The following SNTG1 variants were observed in gnomAD, a reference collection of about 807,000 sequenced individuals.
SNTG1 encodes the protein gamma-1-syntrophin.
Under a neutral mutation model 74.7 loss-of-function variants are expected in SNTG1, and 39 were observed. That is an observed-to-expected ratio of 0.52 (90% CI 0.40 to 0.68). SNTG1 has a LOEUF of 0.68. Ranked by LOEUF, SNTG1 falls within the 30% of genes least tolerant of loss-of-function variation. SNTG1 has a pLI of 0.00. For synonymous variants in SNTG1, 254 were observed against 217.1 expected, an observed-to-expected ratio of 1.17 and a Z score of -1.49; for missense variants, 685 against 609.5, an observed-to-expected ratio of 1.12 and a Z score of -1.30.
chr8:50,350,293 TGAG>T (rs1233613173), intron 2 of SNTG1, among the ~76,000 whole-genome samples: 1 of 152,132 alleles, frequency 6.6e-6, no homozygotes, highest in Non-Finnish European at 1.5e-5. Context: ...ACCCAAGGGC[TGAG>T]GAGTGTGGGC....
intron 1 of SNTG1, among the ~76,000 whole-genome samples, chr8:49,936,804 T>C (rs1808119901): frequency 6.6e-6 from 1 of 152,158 alleles, no homozygotes; most frequent in Non-Finnish European, 1.5e-5. Flanking sequence ...AAAACAGCAA[T>C]TATGTATTGA....
chr8:50,449,080 C>T (rs1056956129), intron 5 of SNTG1, among the ~76,000 whole-genome samples: 26 of 152,156 alleles, frequency 1.7e-4, no homozygotes, highest in African/African-American at 5.5e-4. Flanking sequence ...AAAAATAGTA[C>T]TACTTCAATA....
chr8:50,228,371 T>G (rs891169081), intron 2 of SNTG1, among the ~76,000 whole-genome samples: 17 of 151,914 alleles, frequency 1.1e-4, no homozygotes, highest in African/African-American at 4.1e-4. Flanking sequence ...TATTTGAAAT[T>G]ATGATAGCTA....
chr8:50,448,043 G>A (rs1020001376), intron 5 of SNTG1, among the ~76,000 whole-genome samples: 1 of 152,102 alleles, frequency 6.6e-6, no homozygotes, highest in Non-Finnish European at 1.5e-5. Context: ...TCTCTGTTCA[G>A]GTCAGAGGCA....
chr8:50,779,380 G>A (rs956790629), intron 18 of SNTG1, among the ~76,000 whole-genome samples: 20 of 151,948 alleles, frequency 1.3e-4, no homozygotes, highest in African/African-American at 1.5e-4. Context: ...TTATTTCATC[G>A]AGCAGTGGTT....
intron 2 of SNTG1, among the ~76,000 whole-genome samples, chr8:50,286,344 C>G (rs17696650): frequency 0.052 from 7,973 of 152,262 alleles, 234 homozygotes; most frequent in Middle Eastern, 0.12. Flanking sequence ...ATGTGACAAA[C>G]ACCTGGGTTT....
At position 50,796,523 on chromosome 8, in the gene SNTG1, TA is replaced by T. The variant is rs2131888385; in HGVS notation, c.*3695del. The T allele has an allele frequency of 6.6e-6, 1 of 152,064 alleles. No homozygotes were observed. The highest frequency in any genetic ancestry group is 2.1e-4 in the South Asian group (1 of 4,824). 9.4% of individuals were successfully genotyped at this position (152,064 alleles called of 1,614,324 possible). ...AAAGACAAGAAATATAAAATGTAAA[TA>T]TATTTATTTCATTTTTAATTGTTTT... On this transcript the variant is annotated 3_prime_UTR_variant, in exon 19 of 19. Coordinates refer to ENST00000642720, the MANE Select transcript of SNTG1 (RefSeq NM_018967.5).
intron 2 of SNTG1, among the ~76,000 whole-genome samples, chr8:50,176,770 T>C (rs2083014135): frequency 6.6e-6 from 1 of 152,244 alleles, no homozygotes; most frequent in Non-Finnish European, 1.5e-5. Flanking sequence ...AGCTCCATTT[T>C]GTTCATTTCA....
chr8:50,791,239 A>G (rs1247913025), intron 18 of SNTG1, among the ~76,000 whole-genome samples: 1 of 151,980 alleles, frequency 6.6e-6, no homozygotes, highest in Non-Finnish European at 1.5e-5. Context: ...GACTAGTGCC[A>G]CTGAAGCAGA....
At chr8:50,199,701 A>G (rs1452748351) in intron 2 of SNTG1, among the ~76,000 whole-genome samples, 1 of 152,144 alleles carries the variant, frequency 6.6e-6, no homozygotes, top group Non-Finnish European at 1.5e-5. Context: ...TTGGTGCATG[A>G]CTGCCTTATC....
At chr8:50,707,013 C>A (rs115516191) in intron 16 of SNTG1, among the ~76,000 whole-genome samples, 449 of 151,890 alleles carry the variant, frequency 3.0e-3, no homozygotes, top group African/African-American at 0.01. Flanking sequence ...AATTAAACAA[C>A]AAATTAAATA....
At chr8:50,295,511 C>T (rs528517569) in intron 2 of SNTG1, among the ~76,000 whole-genome samples, 2 of 152,168 alleles carry the variant, frequency 1.3e-5, no homozygotes, top group Non-Finnish European at 2.9e-5. Context: ...ATTGCAGCTG[C>T]TTTGATTTAG....
At chr8:49,976,104 A>G (rs1183682466) in intron 1 of SNTG1, among the ~76,000 whole-genome samples, 1 of 152,194 alleles carries the variant, frequency 6.6e-6, no homozygotes, top group Non-Finnish European at 1.5e-5. Flanking sequence ...TGCATGTCTC[A>G]ATTTACCCCA....
chr8:49,960,897 C>T lies in SNTG1; in HGVS notation c.-103+48666C>T, dbSNP rs750878712. Among the ~76,000 whole-genome samples, 6 of 151,948 alleles carry T rather than the reference C, an allele frequency of 3.9e-5. No individual in the cohort carries two copies. The South Asian group carries it at 6.2e-4, about 16-fold the overall frequency. ...CTTGGGTAGAGTATTGAATATCTTA[C>T]GTGGATTAAGGAAATGTGGAGGACT... On this transcript the variant is annotated intron_variant, in intron 1 of 18. Coordinates refer to ENST00000642720, the MANE Select transcript of SNTG1 (RefSeq NM_018967.5).
chr8:50,265,218 G>A (rs2130171368), intron 2 of SNTG1, among the ~76,000 whole-genome samples: 1 of 151,932 alleles, frequency 6.6e-6, no homozygotes, highest in East Asian at 1.9e-4. Context: ...TGAATATATA[G>A]CAAATATTTG....
At chr8:50,022,590 A>G (rs1816920412) in intron 1 of SNTG1, among the ~76,000 whole-genome samples, 1 of 152,216 alleles carries the variant, frequency 6.6e-6, no homozygotes, top group African/African-American at 2.4e-5. Flanking sequence ...GTAATAAATT[A>G]AATTGGATGA....
intron 12 of SNTG1, among the ~76,000 whole-genome samples, chr8:50,574,081 C>T (rs1191927210): frequency 6.6e-6 from 1 of 151,930 alleles, no homozygotes; most frequent in Non-Finnish European, 1.5e-5. Context: ...CCATTTATGC[C>T]TAGGGTTCCA....
At chr8:50,009,541 G>T (rs1815568754) in intron 1 of SNTG1, among the ~76,000 whole-genome samples, 1 of 151,980 alleles carries the variant, frequency 6.6e-6, no homozygotes, top group African/African-American at 2.4e-5. Context: ...TACATTCTAG[G>T]GTCTGAGAAC....
intron 1 of SNTG1, among the ~76,000 whole-genome samples, chr8:50,071,258 G>T (rs1222734532): frequency 6.6e-6 from 1 of 152,088 alleles, no homozygotes; most frequent in African/African-American, 2.4e-5. Context: ...GAGTTCAGTG[G>T]CATGATCATA....
Sources: allele counts gnomAD v4.1 joint callset (sites outside exome capture counted in the v4.1 genomes callset), GRCh38; gene constraint gnomAD v4.1.1; transcripts MANE v1.5; gene names NCBI Gene and HGNC (gene_info 2026-07-23, HGNC 2026-07-21).